The following GUCY2D variants were observed in gnomAD, a reference collection of about 807,000 sequenced individuals.
GUCY2D encodes the protein guanylate cyclase 2D, retinal.
GUCY2D carries 70 observed loss-of-function variants against 101.3 expected under a neutral mutation model. That is an observed-to-expected ratio of 0.69 (90% CI 0.57 to 0.84). The LOEUF is 0.84. Among genes scored for constraint, GUCY2D ranks in the 40% least tolerant of loss-of-function variants. GUCY2D has a pLI of 0.00. For missense variants in GUCY2D, 1,460 were observed against 1,542.5 expected (o/e 0.95, Z 0.90); for synonymous variants, 688 against 670.7 (o/e 1.03, Z -0.40).
rs1417570667 is a variant in GUCY2D at position 8,011,311 on chromosome 17, G to A, written c.1750-833G>A. On this transcript the variant is annotated intron_variant, in intron 8 of 19. Transcript: ENST00000254854. This position sits in a 1 kb window ranked among gnomAD's most constrained non-coding sequence, Gnocchi z 4.3. The stretch of plus-strand genomic sequence containing the variant: ...GGAGAATCGCTTGAGCTCAGGATGC[G>A]GAGGTTGCAGTGACCCGAGATTGCA... Among the ~76,000 whole-genome samples, 4 of 152,034 alleles carry A rather than the reference G, an allele frequency of 2.6e-5. No individual in the cohort carries two copies. Among genetic ancestry groups the A allele is most frequent in the Non-Finnish European group, 4.4e-5 (3 of 68,004 alleles).
chr17:8,014,807 G>A lies in GUCY2D; in HGVS notation c.2576+43G>A, dbSNP rs1333262049. ...GGGGTGGGCTGGGAGGGCAGCTGGAGCCCAGCCAGGTAGAGTGGCCCCCAG... is the reference window on the plus strand; with the variant it reads ...GGGGTGGGCTGGGAGGGCAGCTGGAACCCAGCCAGGTAGAGTGGCCCCCAG... On this transcript the variant is annotated intron_variant, in intron 13 of 19. Transcript: ENST00000254854. This position sits in a 1 kb window ranked among gnomAD's most constrained non-coding sequence, Gnocchi z 4.0. 1 of 1,607,980 alleles carries A rather than the reference G, an allele frequency of 6.2e-7. No individual in the cohort carries two copies. Among genetic ancestry groups the A allele is most frequent in the Middle Eastern group, 1.7e-4 (1 of 5,874 alleles).
In GUCY2D at chr17:8,014,080, G is replaced by A. The variant is rs759220063; in HGVS notation, c.2412+52G>A. ...TGGGCTGGCCTCTGGGATCCCAGATGCTTGTCAGCAACCTGAGACAGCTGC... is the reference window on the plus strand; with the variant it reads ...TGGGCTGGCCTCTGGGATCCCAGATACTTGTCAGCAACCTGAGACAGCTGC... On this transcript the variant is annotated intron_variant, in intron 12 of 19. Transcript: ENST00000254854. This position sits in a 1 kb window ranked among gnomAD's most constrained non-coding sequence, Gnocchi z 4.0. The A allele has an allele frequency of 1.3e-6, 2 of 1,534,148 alleles. No individual in the cohort carries two copies. Among genetic ancestry groups the A allele is most frequent in the South Asian group, 1.1e-5 (1 of 89,738 alleles).
At position 8,020,072 on chromosome 17, in the gene GUCY2D, C is replaced by G. The variant is rs1317983188; in HGVS notation, c.*25-56C>G. The stretch of plus-strand genomic sequence containing the variant: ...ACGGCAGAGACTCTACAGCGTGTCC[C>G]GGGGCTCACCTGGCGCCTTTTTTTT... On this transcript the variant is annotated intron_variant, in intron 19 of 19. Coordinates refer to ENST00000254854, the MANE Select transcript of GUCY2D (RefSeq NM_000180.4). 3 of 150,064 alleles carry G rather than the reference C, an allele frequency of 2.0e-5. No homozygotes were observed. In the East Asian group the frequency reaches 6.0e-4, roughly 30 times the overall value. 9.3% of individuals were successfully genotyped at this position (150,064 alleles called of 1,614,324 possible). A position where few individuals can be genotyped will look rare whatever the true frequency, so the allele number is the denominator to read the frequency against.
chr17:8,006,181 A>G (rs548396303), intron 3 of GUCY2D, among the ~76,000 whole-genome samples, 182 bp from the exon 4 acceptor site: 1 of 145,718 alleles, frequency 6.9e-6, no homozygotes, highest in Admixed American at 6.9e-5. Flanking sequence ...GAGAGAGCCA[A>G]TGGGGAGGGA....
At position 8,011,646 on chromosome 17, in the gene GUCY2D, G is replaced by A. The variant is rs1975852814; in HGVS notation, c.1750-498G>A. The stretch of plus-strand genomic sequence containing the variant: ...AAGACCAGCCTGGGCAACATAGCAA[G>A]GCTCCCATCTCTACAGAAAAAAAAT... On this transcript the variant is annotated intron_variant, in intron 8 of 19. Coordinates refer to ENST00000254854, the MANE Select transcript of GUCY2D (RefSeq NM_000180.4). This position sits in a 1 kb window ranked among gnomAD's most constrained non-coding sequence, Gnocchi z 4.3. Among the ~76,000 whole-genome samples, 1 of 152,054 alleles carries A rather than the reference G, an allele frequency of 6.6e-6. No homozygotes were observed.
intron 15 of GUCY2D, 46 bp from the exon 16 acceptor site, chr17:8,015,697 C>T (rs1303607737): frequency 2.8e-6 from 4 of 1,429,596 alleles, no homozygotes; most frequent in Non-Finnish European, 3.9e-6. Flanking sequence ...TAGGTGCAGC[C>T]CAGGGCCGGC....
intron 10 of GUCY2D, 84 bp downstream of exon 10, chr17:8,012,690 C>T: frequency 2.8e-6 from 3 of 1,075,362 alleles, no homozygotes; most frequent in Non-Finnish European, 4.3e-6. Flanking sequence ...CTACCTCTGC[C>T]CTCGCACTCT....
intron 19 of GUCY2D, among the ~76,000 whole-genome samples, chr17:8,018,458 C>T (rs887810148): frequency 1.4e-4 from 21 of 152,154 alleles, no homozygotes; most frequent in Non-Finnish European, 2.6e-4. Context: ...ATCTTTAAAT[C>T]TTAGAATCTC....
intron 3 of GUCY2D, among the ~76,000 whole-genome samples, 185 bp downstream of exon 3, chr17:8,004,341 G>T (rs1975700629): frequency 6.6e-6 from 1 of 152,214 alleles, no homozygotes; most frequent in African/African-American, 2.4e-5. Context: ...TGCCTCTAGA[G>T]AGTAGGCAAT....
Position 8,014,440 on chromosome 17 carries a change from G to T in GUCY2D, c.2413-161G>T. The T allele has an allele frequency of 1.4e-6, 1 of 727,006 alleles. No homozygotes were observed. The highest frequency in any genetic ancestry group is 2.5e-6 in the Non-Finnish European group (1 of 406,522). 45.0% of individuals were successfully genotyped at this position (727,006 alleles called of 1,614,324 possible). A position where few individuals can be genotyped will look rare whatever the true frequency, so the allele number is the denominator to read the frequency against. On this transcript the variant is annotated intron_variant, in intron 12 of 19. Transcript: ENST00000254854. The surrounding 1 kb of genome is among the most constrained non-coding windows in gnomAD (Gnocchi z 4.0). Reference sequence around the variant, plus strand: ...CCTCCTAATCGTGTCTGAAAACACAGTGCCCAGCACCCCGGGGTGCTTGAT... The same window carrying T: ...CCTCCTAATCGTGTCTGAAAACACATTGCCCAGCACCCCGGGGTGCTTGAT...
intron 19 of GUCY2D, among the ~76,000 whole-genome samples, chr17:8,019,253 T>C (rs1392688302): frequency 2.0e-5 from 3 of 152,050 alleles, no homozygotes; most frequent in Non-Finnish European, 4.4e-5. Flanking sequence ...TTCCCCTTCC[T>C]TCCCTCTCTC....
intron 3 of GUCY2D, among the ~76,000 whole-genome samples, chr17:8,004,697 C>G (rs1293799721): frequency 6.6e-6 from 1 of 152,120 alleles, no homozygotes; most frequent in African/African-American, 2.4e-5. Flanking sequence ...ATCCCCAAGT[C>G]CCCAGAATCC....
chr17:8,013,921 C>T lies in GUCY2D; in HGVS notation c.2305C>T (p.Pro769Ser), dbSNP rs2151803068. 1.2e-6 allele frequency: 2 copies of T among 1,612,978 alleles called. No individual in the cohort carries two copies. The highest frequency in any genetic ancestry group is 1.7e-6 in the Non-Finnish European group (2 of 1,178,976). The change falls in exon 12 of 20, where the codon CCC (proline) becomes TCC (serine). Residue 769 changes from proline to serine, a missense_variant. This residue lies in a region of GUCY2D where 1,196 missense variants were observed against 1,229.6 expected (regional missense o/e 0.97). Transcript: ENST00000254854. The surrounding 1 kb of genome is among the most constrained non-coding windows in gnomAD (Gnocchi z 5.0). ...RVRSPPPLCR[P>S]LVSMDQAPVE... Reference sequence around the variant, plus strand: ...GCGGAGCCCCCCTCCACTGTGTCGGCCCTTGGTGTCCATGGACCAGGCACC... The same window carrying T: ...GCGGAGCCCCCCTCCACTGTGTCGGTCCTTGGTGTCCATGGACCAGGCACC...
chr17:8,012,724 C>A, intron 10 of GUCY2D, 118 bp downstream of exon 10: 2 of 839,176 alleles, frequency 2.4e-6, no homozygotes, highest in Non-Finnish European at 3.9e-6. Flanking sequence ...CCACCAGACA[C>A]AATTCCTGCT....
In GUCY2D at chr17:8,011,858, C is replaced by T. The variant is rs1008329479; in HGVS notation, c.1750-286C>T. Reference sequence around the variant, plus strand: ...AAAAAAGGCTTATGATCAATAAATCCGAACCTGCCTGGGTCCTGATCACCA... The same window carrying T: ...AAAAAAGGCTTATGATCAATAAATCTGAACCTGCCTGGGTCCTGATCACCA... On this transcript the variant is annotated intron_variant, in intron 8 of 19. Coordinates refer to ENST00000254854, the MANE Select transcript of GUCY2D (RefSeq NM_000180.4). The surrounding 1 kb of genome is among the most constrained non-coding windows in gnomAD (Gnocchi z 4.3). 1.3e-5 allele frequency among the ~76,000 whole-genome samples: 2 copies of T among 152,132 alleles called. No homozygotes were observed. Among genetic ancestry groups the T allele is most frequent in the Non-Finnish European group, 2.9e-5 (2 of 68,026 alleles).
chr17:8,006,501 G>C lies in GUCY2D; in HGVS notation c.1165G>C (p.Gly389Arg). The C allele has an allele frequency of 6.2e-7, 1 of 1,609,112 alleles. No individual in the cohort carries two copies. Among genetic ancestry groups the C allele is most frequent in the Non-Finnish European group, 8.5e-7 (1 of 1,179,978 alleles). ...CCACATCCGGGATGCGCAGGTCCCT[G>C]GCTTCTGCGGGGACCTAGGAGGAGA... Reference protein sequence around the residue: ...ARHIRDAQVPGFCGDLGGDEE... With the variant: ...ARHIRDAQVPRFCGDLGGDEE... The change falls in exon 4 of 20, where the codon GGC becomes CGC. Residue 389 changes from glycine (G) to arginine (R), a missense_variant. This residue lies in a region of GUCY2D where 1,196 missense variants were observed against 1,229.6 expected (regional missense o/e 0.97). Coordinates refer to ENST00000254854, the MANE Select transcript of GUCY2D (RefSeq NM_000180.4).
At chr17:8,012,710 A>G in intron 10 of GUCY2D, 104 bp downstream of exon 10, 1 of 904,036 alleles carries the variant, frequency 1.1e-6, no homozygotes, top group South Asian at 1.4e-5. Context: ...TCTTCATCCC[A>G]CATCCACCAG....
chr17:8,004,304 A>G, intron 3 of GUCY2D, 148 bp downstream of exon 3: 2 of 733,338 alleles, frequency 2.7e-6, no homozygotes, highest in South Asian at 3.8e-5. Context: ...CTCTGGCCCC[A>G]CTTGGGGTCT....
At chr17:8,009,105 G>C (rs1337338928) in intron 7 of GUCY2D, among the ~76,000 whole-genome samples, 1 of 152,240 alleles carries the variant, frequency 6.6e-6, no homozygotes, top group Non-Finnish European at 1.5e-5. Flanking sequence ...CAGGAGGGGA[G>C]CTGTCTATAG....
Sources: allele counts gnomAD v4.1 joint callset (sites outside exome capture counted in the v4.1 genomes callset), GRCh38; gene constraint gnomAD v4.1.1; regional missense constraint gnomAD v4.1.1; non-coding constraint Gnocchi (gnomAD v3.1); transcripts MANE v1.5; gene names NCBI Gene and HGNC (gene_info 2026-07-23, HGNC 2026-07-21).